The following BNC2 variants were observed in gnomAD, a reference collection of about 807,000 sequenced individuals.
BNC2 encodes zinc finger protein basonuclin-2.
In BNC2, 20 loss-of-function variants were observed where a neutral mutation model predicts 76.3. The ratio of observed to expected loss-of-function variants is 0.26; its 90% CI spans 0.18 to 0.38. The LOEUF (loss-of-function observed/expected upper bound fraction) is 0.38. BNC2 is among the 10% of genes least tolerant of loss of function. The pLI, the probability that BNC2 is intolerant of heterozygous loss-of-function variation, is 1.00. For missense variants in BNC2, 1,382 were observed against 1,399.8 expected, an observed-to-expected ratio of 0.99 and a Z score of 0.20; for synonymous variants, 582 against 514.8, an observed-to-expected ratio of 1.13 and a Z score of -1.77.
chr9:16,689,381 A>T (rs530181330), intron 3 of BNC2, among the ~76,000 whole-genome samples: 24 of 152,270 alleles, frequency 1.6e-4, no homozygotes, highest in Admixed American at 3.3e-4. Flanking sequence ...GCTCGTAGTC[A>T]GGGATGCCCC....
At chr9:16,632,569 C>A (rs528498689) in intron 3 of BNC2, among the ~76,000 whole-genome samples, 7 of 152,154 alleles carry the variant, frequency 4.6e-5, no homozygotes, top group African/African-American at 7.2e-5. Flanking sequence ...GCATATCAGA[C>A]CAACCAAAAC....
chr9:16,805,749 T>A (rs754957576), intron 1 of BNC2, among the ~76,000 whole-genome samples: 14 of 151,314 alleles, frequency 9.3e-5, no homozygotes, highest in African/African-American at 3.2e-4. Context: ...AAACACAGTG[T>A]CCCTTCTGAA....
intron 5 of BNC2, among the ~76,000 whole-genome samples, chr9:16,515,369 G>A (rs1382209595): frequency 6.6e-6 from 1 of 152,214 alleles, no homozygotes; most frequent in African/African-American, 2.4e-5. Context: ...TGAAAGCTGT[G>A]CTGAAAGGAA....
chr9:16,801,376 G>C (rs781109624), intron 1 of BNC2, among the ~76,000 whole-genome samples: 206 of 151,568 alleles, frequency 1.4e-3, no homozygotes, highest in African/African-American at 4.7e-3. Context: ...CTGCCGAGTA[G>C]CTGGGACGTG....
At chr9:16,585,318 G>A (rs1428427547) in intron 3 of BNC2, among the ~76,000 whole-genome samples, 1 of 151,904 alleles carries the variant, frequency 6.6e-6, no homozygotes, top group Admixed American at 6.6e-5. Flanking sequence ...TACACATTTG[G>A]TACATTCGGG....
At chr9:16,829,429 T>G (rs1041967966) in intron 1 of BNC2, among the ~76,000 whole-genome samples, 16 of 152,186 alleles carry the variant, frequency 1.1e-4, no homozygotes, top group Non-Finnish European at 2.1e-4. Context: ...CCGAATATGT[T>G]GTCTTTTTTG....
chr9:16,559,993 G>A (rs1264410669), intron 4 of BNC2, among the ~76,000 whole-genome samples: 1 of 152,218 alleles, frequency 6.6e-6, no homozygotes, highest in Non-Finnish European at 1.5e-5. Context: ...CTCCTAACTC[G>A]GAAGTCAGCA....
At chr9:16,607,267 G>C (rs977854588) in intron 3 of BNC2, among the ~76,000 whole-genome samples, 1 of 152,098 alleles carries the variant, frequency 6.6e-6, no homozygotes, top group Admixed American at 6.5e-5. Flanking sequence ...AAGGGGATTC[G>C]TTTTGATAAA....
chr9:16,780,312 G>T (rs552438030), intron 1 of BNC2, among the ~76,000 whole-genome samples: 1 of 149,358 alleles, frequency 6.7e-6, no homozygotes, highest in South Asian at 2.1e-4. Context: ...GGTGGCTCAC[G>T]CCTGTAATCC....
intron 2 of BNC2, 89 bp from the exon 3 acceptor site, chr9:16,728,086 C>T (rs1398147811): frequency 6.8e-6 from 7 of 1,022,632 alleles, no homozygotes; most frequent in Non-Finnish European, 1.0e-5. Context: ...CTGTGCATTT[C>T]ATTTGGGAAG....
chr9:16,578,132 C>A (rs1026017270), intron 4 of BNC2, among the ~76,000 whole-genome samples: 1 of 152,026 alleles, frequency 6.6e-6, no homozygotes, highest in Non-Finnish European at 1.5e-5. Context: ...AAAAAAAATT[C>A]TAAATGAATT....
At chr9:16,671,943 T>C (rs77986073) in intron 3 of BNC2, among the ~76,000 whole-genome samples, 2,462 of 152,310 alleles carry the variant, frequency 0.016, 73 homozygotes, top group African/African-American at 0.056. Flanking sequence ...GTACATACAT[T>C]GTAAGGTTGT....
intron 5 of BNC2, among the ~76,000 whole-genome samples, chr9:16,484,244 G>C (rs375828289): frequency 6.8e-4 from 104 of 152,282 alleles, no homozygotes; most frequent in African/African-American, 2.4e-3. Context: ...AGCTGGTGTA[G>C]GGATGTGACA....
intron 3 of BNC2, among the ~76,000 whole-genome samples, chr9:16,644,609 C>A (rs1254625820): frequency 6.6e-6 from 1 of 151,920 alleles, no homozygotes; most frequent in African/African-American, 2.4e-5. Context: ...AGAAAATCAC[C>A]ATTTATCCTT....
chr9:16,551,931 G>C (rs1209860189), intron 5 of BNC2, among the ~76,000 whole-genome samples: 1 of 152,190 alleles, frequency 6.6e-6, no homozygotes, highest in Non-Finnish European at 1.5e-5. Context: ...GGAAGAACAG[G>C]TTCTGCAAAG....
intron 3 of BNC2, among the ~76,000 whole-genome samples, chr9:16,658,445 C>G (rs750797917): frequency 3.2e-4 from 48 of 152,308 alleles, no homozygotes; most frequent in Middle Eastern, 6.8e-3. Flanking sequence ...CTAAAACACA[C>G]ATTACCCTGG....
At chr9:16,691,828 A>C (rs1442897013) in intron 3 of BNC2, among the ~76,000 whole-genome samples, 4 of 122,908 alleles carry the variant, frequency 3.3e-5, no homozygotes, top group African/African-American at 1.3e-4. Flanking sequence ...TTTTTTTTTT[A>C]AAGATGGAGT....
intron 1 of BNC2, among the ~76,000 whole-genome samples, chr9:16,788,123 G>C (rs750240127): frequency 2.6e-5 from 4 of 152,156 alleles, no homozygotes; most frequent in Admixed American, 6.5e-5. Context: ...GCCTGGATTT[G>C]TGACAACTGA....
intron 1 of BNC2, among the ~76,000 whole-genome samples, chr9:16,766,473 T>G (rs1042177899): frequency 9.9e-5 from 15 of 152,174 alleles, no homozygotes; most frequent in African/African-American, 3.6e-4. Flanking sequence ...TCTACTGGGA[T>G]GGGAACCCAG....
Sources: allele counts gnomAD v4.1 joint callset (sites outside exome capture counted in the v4.1 genomes callset), GRCh38; gene constraint gnomAD v4.1.1; transcripts MANE v1.5; gene names NCBI Gene and HGNC (gene_info 2026-07-23, HGNC 2026-07-21).